Variants in NFAM1 observed in about 807,000 individuals in gnomAD.
The protein encoded by NFAM1 is NFAT activation molecule 1.
Under a neutral mutation model 29.0 loss-of-function variants are expected in NFAM1, and 17 were observed. The observed-to-expected ratio is 0.59, with a 90% CI of 0.40 to 0.88. NFAM1 has a LOEUF of 0.88. Ranked by LOEUF, NFAM1 falls within the 40% of genes least tolerant of loss-of-function variation. The pLI is 0.00. For synonymous variants in NFAM1, 175 were observed against 147.2 expected (o/e 1.19, Z -1.36); for missense variants, 324 against 344.6 (o/e 0.94, Z 0.47).
upstream of NFAM1, among the ~76,000 whole-genome samples, chr22:42,434,659 A>G (rs1930898752): frequency 6.6e-6 from 1 of 152,184 alleles, no homozygotes; most frequent in Admixed American, 6.5e-5. Context: ...AAAACTTTCT[A>G]GCACCTCTCA....
rs548126037 is a variant in NFAM1 at position 42,384,678 on chromosome 22, A to G, written c.*483T>C. The G allele has an allele frequency of 1.3e-3, 223 of 170,420 alleles. No individual in the cohort carries two copies. Among genetic ancestry groups the G allele is most frequent in the African/African-American group, 5.2e-3 (216 of 41,774 alleles). 10.6% of individuals were successfully genotyped at this position (170,420 alleles called of 1,614,324 possible). On this transcript the variant is annotated 3_prime_UTR_variant, in exon 6 of 6. Transcript: ENST00000329021. ...GTGCCTCTGGCCCAGCTGGGTAGGT[A>G]GGGATTTGCATAGCTGCTCCCCAGC... is the stretch of plus-strand genomic sequence containing the variant.
At chr22:42,410,787 G>A (rs532245534) in intron 2 of NFAM1, among the ~76,000 whole-genome samples, 161 of 152,174 alleles carry the variant, frequency 1.1e-3, no homozygotes, top group Non-Finnish European at 1.5e-3. Flanking sequence ...ACCTAGTTCT[G>A]CAGAAGTTCC....
chr22:42,409,890 G>C lies in NFAM1; in HGVS notation c.452-343C>G, dbSNP rs1412229996. On this transcript the variant is annotated intron_variant, in intron 2 of 5. Transcript: ENST00000329021. The surrounding 1 kb of genome is among the most constrained non-coding windows in gnomAD (Gnocchi z 4.9). The stretch of plus-strand genomic sequence containing the variant: ...TCCCTGTGTGAGGTGGTGATAATAC[G>C]GGTGGATGTGGCTAGGGCTGAAGGA... Among the ~76,000 whole-genome samples the C allele has an allele frequency of 6.6e-6, 1 of 152,132 alleles. No homozygotes were observed. The highest frequency in any genetic ancestry group is 1.5e-5 in the Non-Finnish European group (1 of 68,014).
At chr22:42,416,594 G>A (rs1318485467) in intron 1 of NFAM1, among the ~76,000 whole-genome samples, 5 of 152,184 alleles carry the variant, frequency 3.3e-5, no homozygotes, top group East Asian at 3.9e-4. Context: ...TGGAGACCAC[G>A]GGGTCACAGA....
In NFAM1 at chr22:42,411,731, G is replaced by A. The variant is rs1301377927; in HGVS notation, c.127C>T (p.Gln43Ter). ...LPGTLRLAGG[Q>*]SVTHTGLPIM... ...GGCAGGCCGGTGTGGGTCACTGACT[G>A]TCCTCCTGGAGGGGAAGCAAAGGGA... Residue 43 changes from glutamine to a stop codon, truncating the protein, a stop_gained, in exon 2 of 6, where the codon CAG becomes TAG. Transcript: ENST00000329021. LOFTEE classifies it high-confidence loss of function. The A allele has an allele frequency of 6.2e-7, 1 of 1,612,044 alleles. No individual in the cohort carries two copies. Among genetic ancestry groups the A allele is most frequent in the South Asian group, 1.1e-5 (1 of 91,000 alleles).
In NFAM1 at chr22:42,388,932, G is replaced by C. The variant is rs979319807; in HGVS notation, c.664-1854C>G. Among the ~76,000 whole-genome samples, 1 of 152,160 alleles carries C rather than the reference G, an allele frequency of 6.6e-6. No homozygotes were observed. The highest frequency in any genetic ancestry group is 1.5e-5 in the Non-Finnish European group (1 of 68,018). ...TTCCAAGTCCTGCCCTGCCTTGTGC[G>C]GCCTTCGTGCCTGTCCGGAGCACCA... On this transcript the variant is annotated intron_variant, in intron 4 of 5. Coordinates refer to ENST00000329021, the MANE Select transcript of NFAM1 (RefSeq NM_145912.8). The surrounding 1 kb of genome is among the most constrained non-coding windows in gnomAD (Gnocchi z 4.1).
intron 3 of NFAM1, among the ~76,000 whole-genome samples, chr22:42,407,133 G>A (rs1358947166): frequency 1.3e-5 from 2 of 148,564 alleles, no homozygotes; most frequent in African/African-American, 2.5e-5. Context: ...AGGGGCTGGA[G>A]TGCAGTGGCG....
intron 5 of NFAM1, among the ~76,000 whole-genome samples, chr22:42,386,373 CAAAACA>C (rs1284858245): frequency 1.4e-5 from 2 of 141,524 alleles, no homozygotes; most frequent in Admixed American, 6.9e-5. Flanking sequence ...GACTCTGTCT[CAAAACA>C]AAAACAAAAA....
intron 1 of NFAM1, among the ~76,000 whole-genome samples, chr22:42,431,775 T>TCCCCCCCCCCCCCCC (rs34684252): frequency 4.1e-5 from 6 of 146,696 alleles, no homozygotes; most frequent in African/African-American, 1.1e-4. Flanking sequence ...GGCCCTGGTA[T>TCCCCCCCCCCCCCCC]CCCCCCCTCC....
chr22:42,435,965 G>A (rs369406582), upstream of NFAM1, among the ~76,000 whole-genome samples: 6 of 151,806 alleles, frequency 4.0e-5, no homozygotes, highest in East Asian at 9.8e-4. Flanking sequence ...GATTACAGGC[G>A]CCTGCCACCA....
chr22:42,401,348 G>A (rs951188217), intron 3 of NFAM1, among the ~76,000 whole-genome samples: 8 of 152,214 alleles, frequency 5.3e-5, no homozygotes, highest in South Asian at 2.1e-4. Flanking sequence ...GTGGGGCCAC[G>A]AAAGGCCAAA....
In NFAM1 at chr22:42,432,332, C is replaced by T. The variant is rs765400565; in HGVS notation, c.26G>A (p.Arg9Gln). The change falls in exon 1 of 6, where the codon CGG becomes CAG. Residue 9 changes from arginine (R) to glutamine (Q), a missense_variant. Physicochemically the swap from Arg to Gln is conservative, Grantham distance 43. Coordinates refer to ENST00000329021, the MANE Select transcript of NFAM1 (RefSeq NM_145912.8). MENQPVRW[R>Q]ALPGLPRPPG... ...AGGGCGTGGGAGGCCTGGCAGGGCC[C>T]GCCACCTCACAGGCTGGTTCTCCAT... 30 of 1,578,192 alleles carry T rather than the reference C, an allele frequency of 1.9e-5. No individual in the cohort carries two copies. Among genetic ancestry groups the T allele is most frequent in the Admixed American group, 7.3e-5 (4 of 54,692 alleles).
chr22:42,425,843 C>A lies in NFAM1; in HGVS notation c.121+6394G>T, dbSNP rs969861295. Reference sequence around the variant, plus strand: ...TGCCCACAGCCTCACGTGCCTCAGGCGAGCTCAGTCATGCCCCACATGCCT... The same window carrying A: ...TGCCCACAGCCTCACGTGCCTCAGGAGAGCTCAGTCATGCCCCACATGCCT... On this transcript the variant is annotated intron_variant, in intron 1 of 5. Coordinates refer to ENST00000329021, the MANE Select transcript of NFAM1 (RefSeq NM_145912.8). Among the ~76,000 whole-genome samples, 4 of 152,192 alleles carry A rather than the reference C, an allele frequency of 2.6e-5. 1 individual carries two copies. Among genetic ancestry groups the A allele is most frequent in the Admixed American group, 2.6e-4 (4 of 15,276 alleles).
chr22:42,393,706 G>A (rs1244088977), intron 4 of NFAM1, among the ~76,000 whole-genome samples: 1 of 147,238 alleles, frequency 6.8e-6, no homozygotes, highest in Non-Finnish European at 1.5e-5. Context: ...ATGAGCCACT[G>A]CACCCAGCCA....
Position 42,409,456 on chromosome 22 carries a change from C to A in NFAM1, c.543G>T (p.Thr181=). The change falls in exon 3 of 6, where the codon ACG becomes ACT. Residue 181 remains threonine (T), a synonymous_variant. Transcript: ENST00000329021. The surrounding 1 kb of genome is among the most constrained non-coding windows in gnomAD (Gnocchi z 4.9). ...GTACCTTGTTCCAGAGCAGCAGGGC[C>A]GTGCCCACTACACTCAGGACACTCA... The part of the protein sequence containing the change: ...GLLSVLSVVG[T]ALLLWNKKRM... The A allele has an allele frequency of 6.5e-7, 1 of 1,532,560 alleles. No homozygotes were observed. Among genetic ancestry groups the A allele is most frequent in the African/African-American group, 1.4e-5 (1 of 71,184 alleles). 94.9% of individuals were successfully genotyped at this position (1,532,560 alleles called of 1,614,324 possible). A position where few individuals can be genotyped will look rare whatever the true frequency, so the allele number is the denominator to read the frequency against.
chr22:42,389,959 G>A (rs1188399369), intron 4 of NFAM1, among the ~76,000 whole-genome samples: 1 of 152,176 alleles, frequency 6.6e-6, no homozygotes, highest in Non-Finnish European at 1.5e-5. Flanking sequence ...ACACTCCGTG[G>A]AGAAGCAATT....
intron 1 of NFAM1, among the ~76,000 whole-genome samples, chr22:42,421,759 ACAG>A (rs1268996199): frequency 1.3e-5 from 2 of 152,216 alleles, no homozygotes; most frequent in African/African-American, 4.8e-5. Context: ...TTCCCCAGGT[ACAG>A]AAGAAAGCAG....
At chr22:42,428,587 G>A (rs1030904115) in intron 1 of NFAM1, among the ~76,000 whole-genome samples, 2 of 152,078 alleles carry the variant, frequency 1.3e-5, no homozygotes, top group Admixed American at 1.3e-4. Context: ...GATTACAGGC[G>A]CACACCACCT....
At chr22:42,415,355 G>T (rs566188234) in intron 1 of NFAM1, among the ~76,000 whole-genome samples, 1 of 142,222 alleles carries the variant, frequency 7.0e-6, no homozygotes. Flanking sequence ...GCTGGAGTGC[G>T]ATGGCGCGAT....
Sources: gnomAD v4.1 joint callset for allele counts (sites outside exome capture counted in the v4.1 genomes callset) on GRCh38, gnomAD v4.1.1 for gene constraint, Gnocchi (gnomAD v3.1) non-coding constraint, MANE v1.5 for transcripts, NCBI Gene and HGNC (gene_info 2026-07-23, HGNC 2026-07-21) for gene names.